The following ADCY1 variants were observed in gnomAD, a reference collection of about 807,000 sequenced individuals.
ADCY1 encodes the protein adenylate cyclase 1.
In ADCY1, 28 loss-of-function variants were observed where a neutral mutation model predicts 105.4. That is an observed-to-expected ratio of 0.27 (90% CI 0.20 to 0.36). ADCY1 has a LOEUF of 0.36. ADCY1 is among the 10% of genes least tolerant of loss of function. ADCY1 has a pLI of 1.00. For synonymous variants in ADCY1, 655 were observed against 623.8 expected, an observed-to-expected ratio of 1.05 and a Z score of -0.75; for missense variants, 977 against 1,434.2, an observed-to-expected ratio of 0.68 and a Z score of 5.15.
chr7:45,575,087 C>A lies in ADCY1; in HGVS notation c.544C>A (p.Leu182Met). Residue 182 changes from leucine (L) to methionine (M), a missense_variant, in exon 1 of 20, where the codon CTG (leucine) becomes ATG (methionine). Leu to Met is a conservative substitution (Grantham distance 15). This residue lies in a region of ADCY1 where 196 missense variants were observed against 347.8 expected (regional missense o/e 0.56). Coordinates refer to ENST00000297323, the MANE Select transcript of ADCY1 (RefSeq NM_021116.4). This position sits in a 1 kb window ranked among gnomAD's most constrained non-coding sequence, Gnocchi z 4.7. ...CTATGCCTTGCTGCCCGTGCGCAGC[C>A]TGCTGGCCATAGGCTTTGGGCTCGT... The part of the protein sequence containing the change: ...VSYALLPVRS[L>M]LAIGFGLVVA... 1 of 1,612,840 alleles carries A rather than the reference C, an allele frequency of 6.2e-7. No homozygotes were observed. The highest frequency in any genetic ancestry group is 8.5e-7 in the Non-Finnish European group (1 of 1,179,936).
rs2116303053 is a variant in ADCY1 at position 45,718,784 on chromosome 7, T to A, written c.*4789T>A. The A allele has an allele frequency of 6.6e-6, 1 of 152,294 alleles. No individual in the cohort carries two copies. The highest frequency in any genetic ancestry group is 1.9e-4 in the East Asian group (1 of 5,164). The allele number at this position is 152,294 out of a possible 1,614,324, so 9.4% of individuals were successfully genotyped here. A position where few individuals can be genotyped will look rare whatever the true frequency, so the allele number is the denominator to read the frequency against. Reference sequence around the variant, plus strand: ...GCTGGAGCCAAGGAGCCCCCCTGGGTGGGGGCATCAGGAGCAGGGGCAGGG... The same window carrying A: ...GCTGGAGCCAAGGAGCCCCCCTGGGAGGGGGCATCAGGAGCAGGGGCAGGG... On this transcript the variant is annotated 3_prime_UTR_variant, in exon 20 of 20. Coordinates refer to ENST00000297323, the MANE Select transcript of ADCY1 (RefSeq NM_021116.4).
At chr7:45,648,029 G>C (rs896625165) in intron 4 of ADCY1, among the ~76,000 whole-genome samples, 5 of 152,202 alleles carry the variant, frequency 3.3e-5, no homozygotes, top group African/African-American at 4.8e-5. Flanking sequence ...GACAATACAG[G>C]GTCTTAGAGT....
At chr7:45,614,963 C>T (rs1793698414) in intron 3 of ADCY1, among the ~76,000 whole-genome samples, 1 of 152,134 alleles carries the variant, frequency 6.6e-6, no homozygotes, top group East Asian at 1.9e-4. Context: ...TGATAACAGA[C>T]AGAGCATCCA....
At chr7:45,605,746 C>A (rs370116785) in intron 2 of ADCY1, among the ~76,000 whole-genome samples, 2 of 152,146 alleles carry the variant, frequency 1.3e-5, no homozygotes, top group East Asian at 3.9e-4. Flanking sequence ...ATTCGTAGTT[C>A]TTTATTTAGT....
At chr7:45,665,206 T>C (rs952923383) in intron 8 of ADCY1, among the ~76,000 whole-genome samples, 5 of 152,246 alleles carry the variant, frequency 3.3e-5, no homozygotes, top group Admixed American at 3.3e-4. Flanking sequence ...TCCATTGATA[T>C]TTAGGTTATT....
intron 2 of ADCY1, among the ~76,000 whole-genome samples, chr7:45,595,873 C>T (rs144691069): frequency 1.2e-4 from 18 of 152,374 alleles, no homozygotes; most frequent in Middle Eastern, 6.8e-3. Context: ...TTTGAGCCTA[C>T]AGGGTTGTAT....
chr7:45,713,093 A>C (rs1785294854), intron 19 of ADCY1, among the ~76,000 whole-genome samples: 1 of 151,370 alleles, frequency 6.6e-6, no homozygotes, highest in African/African-American at 2.4e-5. Context: ...CCTAGACTCT[A>C]CTCTTTGCTG....
intron 3 of ADCY1, among the ~76,000 whole-genome samples, chr7:45,622,298 C>T (rs934848509): frequency 6.6e-6 from 1 of 152,100 alleles, no homozygotes; most frequent in African/African-American, 2.4e-5. Flanking sequence ...ATCCCAGTCA[C>T]GTAACCTCCC....
chr7:45,707,055 CAA>C (rs1785136142), intron 17 of ADCY1, among the ~76,000 whole-genome samples: 2 of 152,282 alleles, frequency 1.3e-5, no homozygotes, highest in South Asian at 4.1e-4. Flanking sequence ...ACTGACAAGA[CAA>C]ATGCCGGTGA....
chr7:45,664,483 A>T (rs1334094963), intron 8 of ADCY1: 2 of 1,481,220 alleles, frequency 1.4e-6, no homozygotes, highest in African/African-American at 2.8e-5. Context: ...TTCTCTCAGC[A>T]CTCTCTCCTG....
intron 4 of ADCY1, among the ~76,000 whole-genome samples, chr7:45,632,038 T>C (rs1424393612): frequency 6.6e-6 from 1 of 152,220 alleles, no homozygotes; most frequent in African/African-American, 2.4e-5. Flanking sequence ...TATCTTGATA[T>C]CTAATTGTCC....
At chr7:45,630,883 G>T (rs559656481) in intron 4 of ADCY1, among the ~76,000 whole-genome samples, 1 of 152,108 alleles carries the variant, frequency 6.6e-6, no homozygotes, top group African/African-American at 2.4e-5. Flanking sequence ...TTGACTGTGG[G>T]TATCTCTGGG....
At chr7:45,629,258 A>AT (rs1794160343) in intron 4 of ADCY1, among the ~76,000 whole-genome samples, 1 of 152,212 alleles carries the variant, frequency 6.6e-6, no homozygotes, top group Admixed American at 6.5e-5. Context: ...TTGTTTTGAG[A>AT]TTCAACCAAC....
intron 2 of ADCY1, among the ~76,000 whole-genome samples, chr7:45,607,530 A>AT (rs1446279756): frequency 6.6e-6 from 1 of 152,152 alleles, no homozygotes; most frequent in Admixed American, 6.5e-5. Context: ...TTGAGGTACA[A>AT]TTGATCCCAT....
At chr7:45,602,280 G>C (rs1206238717) in intron 2 of ADCY1, among the ~76,000 whole-genome samples, 2 of 151,930 alleles carry the variant, frequency 1.3e-5, no homozygotes, top group Non-Finnish European at 2.9e-5. Flanking sequence ...CCCCACAAGG[G>C]TCTAGCCTGA....
chr7:45,706,935 CAGAT>C (rs1314430295), intron 17 of ADCY1, among the ~76,000 whole-genome samples: 2 of 152,152 alleles, frequency 1.3e-5, no homozygotes, highest in Non-Finnish European at 2.9e-5. Context: ...ATGCAGATGA[CAGAT>C]AGGCATATGA....
At chr7:45,596,718 G>A (rs1432321104) in intron 2 of ADCY1, among the ~76,000 whole-genome samples, 1 of 152,192 alleles carries the variant, frequency 6.6e-6, no homozygotes, top group African/African-American at 2.4e-5. Flanking sequence ...TCCCATGCAC[G>A]GTGTTTGAGG....
Position 45,575,594 on chromosome 7 carries a change from G to A in ADCY1, c.639+412G>A, listed in dbSNP as rs375745430. On this transcript the variant is annotated intron_variant, in intron 1 of 19. Transcript: ENST00000297323. This position sits in a 1 kb window ranked among gnomAD's most constrained non-coding sequence, Gnocchi z 4.7. ...GCAAGCTCCAAGGCCGGCTCTGCGC[G>A]CAGCGCTGGGCTCTTCCCCTGCGCA... is the stretch of plus-strand genomic sequence containing the variant. Among the ~76,000 whole-genome samples, 1 of 152,192 alleles carries A rather than the reference G, an allele frequency of 6.6e-6. No individual in the cohort carries two copies. The highest frequency in any genetic ancestry group is 2.4e-5 in the African/African-American group (1 of 41,424).
chr7:45,616,767 T>C (rs748613326), intron 3 of ADCY1, among the ~76,000 whole-genome samples: 2 of 152,140 alleles, frequency 1.3e-5, no homozygotes, highest in Admixed American at 6.5e-5. Flanking sequence ...GACAATGATA[T>C]CCACCCTCAC....
Sources: allele counts gnomAD v4.1 joint callset (sites outside exome capture counted in the v4.1 genomes callset), GRCh38; gene constraint gnomAD v4.1.1; regional missense constraint gnomAD v4.1.1; non-coding constraint Gnocchi (gnomAD v3.1); transcripts MANE v1.5; gene names NCBI Gene and HGNC (gene_info 2026-07-23, HGNC 2026-07-21).